The following AGO2 variants were observed in gnomAD, a reference collection of about 807,000 sequenced individuals.
AGO2 encodes argonaute RISC catalytic component 2, also known as protein argonaute-2.
Under a neutral mutation model 102.3 loss-of-function variants are expected in AGO2, and 5 were observed. That is an observed-to-expected ratio of 0.05 (90% CI 0.03 to 0.10). AGO2 has a LOEUF of 0.10. AGO2 is among the 10% of genes least tolerant of loss of function. The pLI is 1.00. For synonymous variants in AGO2, 449 were observed against 473.1 expected (o/e 0.95, Z 0.66); for missense variants, 541 against 1,183.7 (o/e 0.46, Z 7.97).
rs553065813 is a variant in AGO2, at chr8:140,546,919, G to A, written c.1748+549C>T. On this transcript the variant is annotated intron_variant, in intron 13 of 18. Coordinates refer to ENST00000220592, the MANE Select transcript of AGO2 (RefSeq NM_012154.5). ...CAGTCAGGAGGTGCCAGAGGAGGGT[G>A]CAGCTCCATCACCCCCAACCCCCGT... 4.6e-5 allele frequency among the ~76,000 whole-genome samples: 7 copies of A among 152,330 alleles called. No individual in the cohort carries two copies. In the South Asian group the frequency reaches 1.0e-3, roughly 23 times the overall value.
chr8:140,547,862 G>A (rs1338288058), intron 12 of AGO2, among the ~76,000 whole-genome samples: 3 of 152,214 alleles, frequency 2.0e-5, no homozygotes, highest in Admixed American at 6.5e-5. Flanking sequence ...TGCCCGCCTC[G>A]CCCAGGCCAG....
At chr8:140,561,719 C>A (rs2073205042) in intron 4 of AGO2, among the ~76,000 whole-genome samples, 1 of 152,202 alleles carries the variant, frequency 6.6e-6, no homozygotes. Flanking sequence ...TGAGGGAAGC[C>A]CCAACTCTCT....
intron 1 of AGO2, among the ~76,000 whole-genome samples, chr8:140,595,833 ACAATTG>A (rs1252673989): frequency 0.54 from 61,115 of 113,084 alleles, 18,231 homozygotes; most frequent in African/African-American, 0.62. Context: ...TATATTATAT[ACAATTG>A]TATATATTAT....
chr8:140,537,190 C>T (rs1386426060), intron 16 of AGO2, among the ~76,000 whole-genome samples: 2 of 152,078 alleles, frequency 1.3e-5, no homozygotes, highest in Non-Finnish European at 2.9e-5. Flanking sequence ...GGAAAGCTCC[C>T]GAGACTTCCT....
chr8:140,537,354 T>C (rs1217497714), intron 16 of AGO2, among the ~76,000 whole-genome samples: 2 of 151,354 alleles, frequency 1.3e-5, no homozygotes, highest in South Asian at 4.2e-4. Context: ...CAGGTCGGAG[T>C]GCAGTGGTGC....
chr8:140,559,289 C>A (rs1315787452), intron 6 of AGO2, 106 bp downstream of exon 6: 32 of 1,427,430 alleles, frequency 2.2e-5, no homozygotes, highest in Non-Finnish European at 3.1e-5. Context: ...GCCACCCCCA[C>A]CTCCCCAAAT....
chr8:140,558,205 A>G (rs2944761), intron 7 of AGO2, among the ~76,000 whole-genome samples: 94,869 of 152,078 alleles, frequency 0.62, 30,892 homozygotes, highest in African/African-American at 0.82. Flanking sequence ...GACAATGAAC[A>G]CAAAAGACCC....
intron 1 of AGO2, among the ~76,000 whole-genome samples, chr8:140,595,928 T>C (rs1203148310): frequency 1.1e-5 from 1 of 88,140 alleles, no homozygotes; most frequent in Non-Finnish European, 2.2e-5. Flanking sequence ...ATTATGTATA[T>C]AAATTATATA....
Position 140,557,838 on chromosome 8 carries a change from G to C in AGO2, c.879-602C>G, listed in dbSNP as rs958590176. Reference sequence around the variant, plus strand: ...ACCCCTTCCCCCAATCCAGACTGCCGGGCCATCTGCAGCCTCTGCCAGGCC... The same window carrying C: ...ACCCCTTCCCCCAATCCAGACTGCCCGGCCATCTGCAGCCTCTGCCAGGCC... On this transcript the variant is annotated intron_variant, in intron 7 of 18. Coordinates refer to ENST00000220592, the MANE Select transcript of AGO2 (RefSeq NM_012154.5). The surrounding 1 kb of genome is among the most constrained non-coding windows in gnomAD (Gnocchi z 5.9). Among the ~76,000 whole-genome samples the C allele has an allele frequency of 6.6e-6, 1 of 152,322 alleles. No individual in the cohort carries two copies. Among genetic ancestry groups the C allele is most frequent in the South Asian group, 2.1e-4 (1 of 4,830 alleles).
At chr8:140,545,070 T>C (rs2132889730) in intron 13 of AGO2, among the ~76,000 whole-genome samples, 1 of 152,274 alleles carries the variant, frequency 6.6e-6, no homozygotes, top group South Asian at 2.1e-4. Flanking sequence ...GCCCTGCCTG[T>C]TGGAAACCAG....
intron 14 of AGO2, among the ~76,000 whole-genome samples, chr8:140,541,851 C>T (rs756231484): frequency 1.3e-5 from 2 of 151,642 alleles, no homozygotes; most frequent in Non-Finnish European, 2.9e-5. Context: ...TACAGTGAGC[C>T]GAGATCACAC....
chr8:140,542,278 A>G (rs1427793590), intron 14 of AGO2, among the ~76,000 whole-genome samples: 2 of 152,208 alleles, frequency 1.3e-5, no homozygotes, highest in Non-Finnish European at 2.9e-5. Flanking sequence ...ACTGATGGAA[A>G]TAAAACCTCT....
intron 16 of AGO2, among the ~76,000 whole-genome samples, chr8:140,535,989 G>A (rs891448557): frequency 6.6e-6 from 1 of 152,216 alleles, no homozygotes; most frequent in African/African-American, 2.4e-5. Context: ...GCACACCGGC[G>A]CTCCAGGCAG....
intron 1 of AGO2, among the ~76,000 whole-genome samples, chr8:140,603,506 A>C (rs1257255499): frequency 1.3e-5 from 2 of 152,164 alleles, no homozygotes; most frequent in African/African-American, 2.4e-5. Context: ...AAAAGAAGCC[A>C]CGTGCCCGCT....
At chr8:140,569,271 C>T (rs1274448145) in intron 3 of AGO2, among the ~76,000 whole-genome samples, 1 of 152,256 alleles carries the variant, frequency 6.6e-6, no homozygotes, top group Non-Finnish European at 1.5e-5. Context: ...CAGGCAGGGT[C>T]TGCTATTGTT....
At chr8:140,582,920 T>C (rs1436351230) in intron 2 of AGO2, among the ~76,000 whole-genome samples, 1 of 152,244 alleles carries the variant, frequency 6.6e-6, no homozygotes, top group Admixed American at 6.5e-5. Flanking sequence ...CCAATGTGTC[T>C]AGATTAAAGA....
chr8:140,597,466 G>GCCCCCCCCCCCCCCCCCC (rs201167667), intron 1 of AGO2, among the ~76,000 whole-genome samples: 25 of 48,420 alleles, frequency 5.2e-4, no homozygotes, highest in African/African-American at 1.1e-3. Context: ...GGGCTGGGTG[G>GCCCCCCCCCCCCCCCCCC]CCCCCCCACC....
At position 140,547,634 on chromosome 8, in the gene AGO2, G is replaced by C; in HGVS notation, c.1589-7C>G. ...CCCACGCGCTTGACCTCGGCTAAGG[G>C]ACATGAGAGGCACACACAGCTCTGC... On this transcript the variant is annotated splice_polypyrimidine_tract_variant and splice_region_variant and intron_variant, in intron 12 of 18. Coordinates refer to ENST00000220592, the MANE Select transcript of AGO2 (RefSeq NM_012154.5). 2 of 1,609,118 alleles carry C rather than the reference G, an allele frequency of 1.2e-6. No homozygotes were observed. Among genetic ancestry groups the C allele is most frequent in the Non-Finnish European group, 1.7e-6 (2 of 1,177,432 alleles).
At chr8:140,591,048 TGAAGGAGG>T (rs748611505) in intron 1 of AGO2, among the ~76,000 whole-genome samples, 1 of 152,192 alleles carries the variant, frequency 6.6e-6, no homozygotes, top group Non-Finnish European at 1.5e-5. Context: ...TGGGTCGGAA[TGAAGGAGG>T]GAAGGAAGCT....
Sources: gnomAD v4.1 joint callset for allele counts (sites outside exome capture counted in the v4.1 genomes callset) on GRCh38, gnomAD v4.1.1 for gene constraint, Gnocchi (gnomAD v3.1) non-coding constraint, MANE v1.5 for transcripts, NCBI Gene and HGNC (gene_info 2026-07-23, HGNC 2026-07-21) for gene names.